The following RALGAPA2 variants were observed in gnomAD, a reference collection of about 807,000 sequenced individuals.
RALGAPA2 encodes the protein Ral GTPase activating protein catalytic subunit alpha 2, also known as ral GTPase-activating protein subunit alpha-2.
A neutral mutation model predicts 230.4 loss-of-function variants in RALGAPA2; 139 were observed. That is an observed-to-expected ratio of 0.60 (90% CI 0.53 to 0.69). The LOEUF (loss-of-function observed/expected upper bound fraction) is 0.69. Among genes scored for constraint, RALGAPA2 ranks in the 30% least tolerant of loss-of-function variants. The probability of loss-of-function intolerance (pLI) is 0.00; values close to 1 mark genes in which losing one functional copy is unlikely to be tolerated. For synonymous variants in RALGAPA2, 847 were observed against 837.8 expected (o/e 1.01, Z -0.19); for missense variants, 2,163 against 2,276.0 (o/e 0.95, Z 1.01).
In RALGAPA2 at chr20:20,410,480, C is replaced by T. The variant is rs139816713; in HGVS notation, c.5617+1547G>A. 6.2e-3 allele frequency among the ~76,000 whole-genome samples: 940 copies of T among 152,226 alleles called. 8 individuals are homozygous for T. Among genetic ancestry groups the T allele is most frequent in the Non-Finnish European group, 8.8e-3 (598 of 68,016 alleles). On this transcript the variant is annotated intron_variant, in intron 38 of 39. Coordinates refer to ENST00000202677, the MANE Select transcript of RALGAPA2 (RefSeq NM_020343.4). The stretch of plus-strand genomic sequence containing the variant: ...CCTGCACTGAAAAATCAAGTCCTCA[C>T]GAAGAGGGGAATAATCTCATGAGGG...
intron 1 of RALGAPA2, among the ~76,000 whole-genome samples, chr20:20,711,001 A>G (rs939766524): frequency 6.6e-6 from 1 of 152,212 alleles, no homozygotes; most frequent in Non-Finnish European, 1.5e-5. Flanking sequence ...CAGGAAGTAG[A>G]AAATTCAGTT....
intron 3 of RALGAPA2, among the ~76,000 whole-genome samples, chr20:20,666,073 G>T (rs566295872): frequency 6.6e-6 from 1 of 152,320 alleles, no homozygotes; most frequent in African/African-American, 2.4e-5. Flanking sequence ...TACAAAGAAA[G>T]CCAGATGATT....
intron 31 of RALGAPA2, among the ~76,000 whole-genome samples, chr20:20,514,113 T>G (rs2062802009): frequency 6.6e-6 from 1 of 152,026 alleles, no homozygotes; most frequent in Non-Finnish European, 1.5e-5. Flanking sequence ...AACCTTCCTG[T>G]GCACACATCA....
intron 37 of RALGAPA2, among the ~76,000 whole-genome samples, chr20:20,426,501 C>A (rs1482755701): frequency 6.6e-6 from 1 of 152,154 alleles, no homozygotes; most frequent in Non-Finnish European, 1.5e-5. Flanking sequence ...GCTAACGAGT[C>A]TCTGGCTGAA....
intron 1 of RALGAPA2, among the ~76,000 whole-genome samples, chr20:20,705,802 G>A (rs910913571): frequency 4.6e-5 from 7 of 152,084 alleles, no homozygotes; most frequent in Admixed American, 2.6e-4. Flanking sequence ...CCGAGCAGCT[G>A]GGATTACAGG....
chr20:20,476,740 T>C (rs1203350921), intron 36 of RALGAPA2, among the ~76,000 whole-genome samples: 1 of 151,160 alleles, frequency 6.6e-6, no homozygotes, highest in Non-Finnish European at 1.5e-5. Flanking sequence ...CATTGGACTA[T>C]ATAGAAATTT....
intron 37 of RALGAPA2, among the ~76,000 whole-genome samples, chr20:20,417,867 A>G (rs1359789202): frequency 6.6e-6 from 1 of 152,260 alleles, no homozygotes; most frequent in Non-Finnish European, 1.5e-5. Flanking sequence ...ACTTGTAAGG[A>G]GAGGTTAGAG....
At chr20:20,408,274 T>C (rs1046336361) in intron 38 of RALGAPA2, among the ~76,000 whole-genome samples, 1 of 152,188 alleles carries the variant, frequency 6.6e-6, no homozygotes, top group Non-Finnish European at 1.5e-5. Context: ...AAATTAGATA[T>C]TAAATGAGAC....
At chr20:20,490,573 A>G (rs1480704429) in intron 36 of RALGAPA2, among the ~76,000 whole-genome samples, 1 of 152,196 alleles carries the variant, frequency 6.6e-6, no homozygotes, top group Non-Finnish European at 1.5e-5. Flanking sequence ...GTTGGCTGTG[A>G]TTGGGATAAA....
At chr20:20,565,886 A>G (rs758612327) in intron 23 of RALGAPA2, among the ~76,000 whole-genome samples, 7 of 152,222 alleles carry the variant, frequency 4.6e-5, no homozygotes, top group Admixed American at 2.0e-4. Flanking sequence ...TCTTACTTGC[A>G]GGCAAGAGAA....
chr20:20,596,662 A>T (rs1297214314), intron 16 of RALGAPA2, among the ~76,000 whole-genome samples: 1 of 152,252 alleles, frequency 6.6e-6, no homozygotes, highest in African/African-American at 2.4e-5. Flanking sequence ...GGTTGTTCTC[A>T]AAGTCACTAT....
At chr20:20,427,181 G>A (rs1218236555) in intron 37 of RALGAPA2, among the ~76,000 whole-genome samples, 2 of 152,160 alleles carry the variant, frequency 1.3e-5, no homozygotes, top group African/African-American at 4.8e-5. Context: ...GAAAGCTGAA[G>A]GAGTAAATTG....
chr20:20,534,797 A>T (rs6132313), intron 26 of RALGAPA2, among the ~76,000 whole-genome samples: 2,525 of 152,320 alleles, frequency 0.017, 94 homozygotes, highest in East Asian at 0.14. Flanking sequence ...TAAGGGAAGG[A>T]TGGGGAAGGA....
chr20:20,671,562 C>T (rs2068136506), intron 3 of RALGAPA2, among the ~76,000 whole-genome samples: 1 of 152,174 alleles, frequency 6.6e-6, no homozygotes, highest in South Asian at 2.1e-4. Flanking sequence ...TACAACCTAC[C>T]TTCTAAAGCC....
chr20:20,699,495 C>T (rs1397458996), intron 1 of RALGAPA2, among the ~76,000 whole-genome samples: 1 of 152,136 alleles, frequency 6.6e-6, no homozygotes. Flanking sequence ...GGAATATGAC[C>T]AGACAGAAAT....
chr20:20,439,187 T>A (rs536144831), intron 37 of RALGAPA2, among the ~76,000 whole-genome samples: 1 of 152,066 alleles, frequency 6.6e-6, no homozygotes, highest in South Asian at 2.1e-4. Flanking sequence ...ACAGACCTAA[T>A]ATTCATCCTT....
intron 36 of RALGAPA2, among the ~76,000 whole-genome samples, chr20:20,487,548 G>A (rs1484202102): frequency 6.6e-6 from 1 of 152,182 alleles, no homozygotes; most frequent in Non-Finnish European, 1.5e-5. Flanking sequence ...ACTTAGATGA[G>A]GTAGGAGACT....
At chr20:20,634,249 T>C (rs1372538632) in intron 9 of RALGAPA2, among the ~76,000 whole-genome samples, 6 of 152,194 alleles carry the variant, frequency 3.9e-5, no homozygotes, top group Admixed American at 3.9e-4. Flanking sequence ...GGACCTGTAC[T>C]TAGATCTTGT....
intron 10 of RALGAPA2, among the ~76,000 whole-genome samples, chr20:20,624,652 T>G (rs2066435563): frequency 6.6e-6 from 1 of 152,202 alleles, no homozygotes; most frequent in Non-Finnish European, 1.5e-5. Context: ...TATTCATATT[T>G]CATAGCAGGA....
Sources: allele counts gnomAD v4.1 joint callset (sites outside exome capture counted in the v4.1 genomes callset), GRCh38; gene constraint gnomAD v4.1.1; transcripts MANE v1.5; gene names NCBI Gene and HGNC (gene_info 2026-07-23, HGNC 2026-07-21).